FAM107B: variants seen among roughly 807,000 people sequenced by gnomAD.
FAM107B encodes the protein family with sequence similarity 107 member B.
Under a neutral mutation model 31.5 loss-of-function variants are expected in FAM107B, and 21 were observed. That is an observed-to-expected ratio of 0.67 (90% CI 0.47 to 0.96). The LOEUF is 0.96. Among genes scored for constraint, FAM107B ranks in the 40% least tolerant of loss-of-function variants. FAM107B has a pLI of 0.00. For synonymous variants in FAM107B, 157 were observed against 141.5 expected (o/e 1.11, Z -0.78); for missense variants, 452 against 377.1 (o/e 1.20, Z -1.64).
At chr10:14,682,801 T>C (rs971423328) in intron 1 of FAM107B, among the ~76,000 whole-genome samples, 6 of 151,930 alleles carry the variant, frequency 3.9e-5, no homozygotes, top group Non-Finnish European at 5.9e-5. Flanking sequence ...GATGATGGGC[T>C]GATGGGTACA....
At chr10:14,703,399 T>C (rs1295497863) in intron 1 of FAM107B, among the ~76,000 whole-genome samples, 1 of 151,258 alleles carries the variant, frequency 6.6e-6, no homozygotes, top group African/African-American at 2.4e-5. Context: ...CATGATCTTG[T>C]GATCCCGGCT....
In FAM107B at chr10:14,650,964, C is replaced by T. The variant is rs141759761; in HGVS notation, c.469+16670G>A. Among the ~76,000 whole-genome samples the T allele has an allele frequency of 2.0e-5, 3 of 152,260 alleles. No individual in the cohort carries two copies. The East Asian group carries it at 5.8e-4, about 29-fold the overall frequency. ...AACTTCTAGCGTCTGAGCTACATCC[C>T]AGAGTTCCCCAGTAGGATGAAACTC... On this transcript the variant is annotated intron_variant, in intron 2 of 4. Coordinates refer to ENST00000181796, the MANE Select transcript of FAM107B (RefSeq NM_031453.4).
intron 2 of FAM107B, among the ~76,000 whole-genome samples, chr10:14,579,318 CA>C (rs1354117025): frequency 2.6e-5 from 4 of 152,196 alleles, no homozygotes; most frequent in African/African-American, 9.6e-5. Flanking sequence ...TGAATGAAAA[CA>C]AACTAAACTC....
intron 1 of FAM107B, among the ~76,000 whole-genome samples, chr10:14,707,778 CCCACTT>C (rs1312839064): frequency 6.6e-6 from 1 of 152,206 alleles, no homozygotes; most frequent in African/African-American, 2.4e-5. Context: ...GCTCCCAACT[CCCACTT>C]CATCATACTA....
chr10:14,683,785 T>C lies in FAM107B; in HGVS notation c.412-16094A>G, dbSNP rs539623911. ...TCGAATGAATGCATAAATAAGTGAATACATCACAATTTTTTAAGAAAAATG... is the reference window on the plus strand; with the variant it reads ...TCGAATGAATGCATAAATAAGTGAACACATCACAATTTTTTAAGAAAAATG... On this transcript the variant is annotated intron_variant, in intron 1 of 4. Transcript: ENST00000181796. Among the ~76,000 whole-genome samples, 5 of 152,316 alleles carry C rather than the reference T, an allele frequency of 3.3e-5. No individual in the cohort carries two copies. In the South Asian group the frequency reaches 1.0e-3, roughly 32 times the overall value.
At chr10:14,536,951 G>A (rs907376095) in intron 2 of FAM107B, among the ~76,000 whole-genome samples, 36 of 152,270 alleles carry the variant, frequency 2.4e-4, no homozygotes, top group Middle Eastern at 3.4e-3. Flanking sequence ...CCCCGAAAAT[G>A]TATTTTTACA....
intron 1 of FAM107B, among the ~76,000 whole-genome samples, chr10:14,680,804 G>A (rs954939241): frequency 6.6e-6 from 1 of 152,186 alleles, no homozygotes; most frequent in South Asian, 2.1e-4. Context: ...GAGGTTGGCT[G>A]AAGCCTTCAT....
chr10:14,550,780 T>A (rs1849183738), intron 2 of FAM107B, among the ~76,000 whole-genome samples: 1 of 152,210 alleles, frequency 6.6e-6, no homozygotes, highest in Non-Finnish European at 1.5e-5. Context: ...TAACAGTACC[T>A]TTTTCAAGTT....
At chr10:14,614,542 G>A (rs143034463) in intron 2 of FAM107B, among the ~76,000 whole-genome samples, 3,118 of 151,530 alleles carry the variant, frequency 0.021, 38 homozygotes, top group Non-Finnish European at 0.033. Context: ...GCATGGTGGC[G>A]CATGCCTGTA....
chr10:14,752,968 TC>T (rs1445229146), intron 1 of FAM107B, among the ~76,000 whole-genome samples: 1 of 152,064 alleles, frequency 6.6e-6, no homozygotes, highest in Non-Finnish European at 1.5e-5. Context: ...GCTTAGCCAT[TC>T]AAATAGCACA....
intron 2 of FAM107B, among the ~76,000 whole-genome samples, chr10:14,562,240 T>C (rs759001449): frequency 7.9e-5 from 12 of 152,264 alleles, no homozygotes; most frequent in Non-Finnish European, 1.6e-4. Flanking sequence ...AATGGTCTTT[T>C]AATCTAAAAC....
intron 1 of FAM107B, among the ~76,000 whole-genome samples, chr10:14,727,386 C>T (rs553875095): frequency 6.6e-6 from 1 of 152,340 alleles, no homozygotes; most frequent in Admixed American, 6.5e-5. Flanking sequence ...TGAGCCACGT[C>T]TCTTAGATCT....
intron 1 of FAM107B, among the ~76,000 whole-genome samples, chr10:14,720,862 T>A (rs1362021588): frequency 6.6e-6 from 1 of 152,220 alleles, no homozygotes; most frequent in Non-Finnish European, 1.5e-5. Flanking sequence ...TTTATTTTTA[T>A]ACTTTAAGTT....
intron 2 of FAM107B, among the ~76,000 whole-genome samples, chr10:14,650,822 A>G (rs1588682965): frequency 6.6e-6 from 1 of 152,364 alleles, no homozygotes; most frequent in East Asian, 1.9e-4. Context: ...GCTCATAGTA[A>G]AAGTAAAAAT....
intron 2 of FAM107B, among the ~76,000 whole-genome samples, chr10:14,540,730 T>C (rs1300715014): frequency 1.3e-5 from 2 of 152,206 alleles, no homozygotes; most frequent in South Asian, 2.1e-4. Context: ...AGTTCCTGAC[T>C]TCCCAAGCTC....
intron 2 of FAM107B, among the ~76,000 whole-genome samples, chr10:14,562,694 G>C (rs1161227277): frequency 6.6e-6 from 1 of 152,164 alleles, no homozygotes; most frequent in Non-Finnish European, 1.5e-5. Context: ...AAATCCAGGG[G>C]TAAGCAGGGA....
chr10:14,567,169 T>C (rs1850742964), intron 2 of FAM107B, among the ~76,000 whole-genome samples: 1 of 151,902 alleles, frequency 6.6e-6, no homozygotes, highest in Non-Finnish European at 1.5e-5. Flanking sequence ...AATAAATAAA[T>C]AAATAAAAAT....
intron 2 of FAM107B, among the ~76,000 whole-genome samples, chr10:14,585,638 G>C (rs1017158801): frequency 2.0e-5 from 3 of 152,186 alleles, no homozygotes; most frequent in Non-Finnish European, 4.4e-5. Context: ...TGGGAGAAAA[G>C]AGCTCTGAAA....
chr10:14,683,626 C>T (rs988867305), intron 1 of FAM107B, among the ~76,000 whole-genome samples: 1 of 152,168 alleles, frequency 6.6e-6, no homozygotes, highest in Non-Finnish European at 1.5e-5. Context: ...GTTGTCTATA[C>T]TGATGAGCTG....
Sources: gnomAD v4.1 joint callset for allele counts (sites outside exome capture counted in the v4.1 genomes callset) on GRCh38, gnomAD v4.1.1 for gene constraint, MANE v1.5 for transcripts, NCBI Gene and HGNC (gene_info 2026-07-23, HGNC 2026-07-21) for gene names.